The following GALNTL6 variants were observed in gnomAD, a reference collection of about 807,000 sequenced individuals.
GALNTL6 encodes polypeptide N-acetylgalactosaminyltransferase like 6.
Under a neutral mutation model 73.7 loss-of-function variants are expected in GALNTL6, and 46 were observed. That is an observed-to-expected ratio of 0.62 (90% CI 0.49 to 0.80). The LOEUF (loss-of-function observed/expected upper bound fraction) is 0.80, where lower values mean the gene tolerates loss of function less well. Among genes scored for constraint, GALNTL6 ranks in the 30% least tolerant of loss-of-function variants. The pLI is 0.00. For missense variants in GALNTL6, 604 were observed against 755.0 expected (o/e 0.80, Z 2.34); for synonymous variants, 259 against 263.7 (o/e 0.98, Z 0.17).
rs1488744754 is a variant in GALNTL6 at position 172,952,039 on chromosome 4, C to T, written c.1152C>T (p.Asn384=). ...KVPSGTSLAR[N]LKRVAETWMD... ...ATTTTTGTTTTCCTGCTGCACAGAA[C>T]CTGAAGCGGGTAGCTGAGACCTGGA... Residue 384 remains asparagine, a splice_region_variant and synonymous_variant, in exon 10 of 13, where the codon AAC becomes AAT. Transcript: ENST00000506823. The T allele has an allele frequency of 1.2e-6, 2 of 1,612,778 alleles. No homozygotes were observed. Among genetic ancestry groups the T allele is most frequent in the East Asian group, 2.2e-5 (1 of 44,876 alleles).
chr4:172,136,788 G>A (rs1457097702), intron 2 of GALNTL6, among the ~76,000 whole-genome samples: 1 of 151,902 alleles, frequency 6.6e-6, no homozygotes, highest in East Asian at 1.9e-4. Context: ...TCATTTTCAT[G>A]CTAGTTTTAG....
chr4:172,726,214 G>A (rs544001931), intron 5 of GALNTL6, among the ~76,000 whole-genome samples: 2 of 152,300 alleles, frequency 1.3e-5, no homozygotes, highest in South Asian at 4.1e-4. Flanking sequence ...TTTATTCAGT[G>A]ACTAATTAAC....
intron 7 of GALNTL6, among the ~76,000 whole-genome samples, chr4:172,853,694 A>G (rs753289640): frequency 1.1e-4 from 16 of 152,168 alleles, no homozygotes; most frequent in Non-Finnish European, 1.9e-4. Context: ...CTAATAGCTT[A>G]TTGCATTCTG....
intron 2 of GALNTL6, among the ~76,000 whole-genome samples, chr4:171,842,591 AAGAGAAT>A (rs2110845493): frequency 6.6e-6 from 1 of 152,186 alleles, no homozygotes; most frequent in Non-Finnish European, 1.5e-5. Flanking sequence ...GTCATGGTGG[AAGAGAAT>A]AGAGAATCGA....
At chr4:172,743,687 T>C (rs1736931891) in intron 5 of GALNTL6, among the ~76,000 whole-genome samples, 1 of 152,142 alleles carries the variant, frequency 6.6e-6, no homozygotes, top group Admixed American at 6.6e-5. Flanking sequence ...GATGAAGATC[T>C]GTCTAACAGA....
intron 5 of GALNTL6, among the ~76,000 whole-genome samples, chr4:172,786,253 T>A (rs1436959136): frequency 1.3e-5 from 2 of 152,236 alleles, no homozygotes; most frequent in Admixed American, 6.5e-5. Flanking sequence ...CTCAAAGTAT[T>A]GCTTAAAAGT....
At chr4:172,625,785 T>C (rs1267226496) in intron 5 of GALNTL6, among the ~76,000 whole-genome samples, 1 of 152,052 alleles carries the variant, frequency 6.6e-6, no homozygotes, top group Non-Finnish European at 1.5e-5. Flanking sequence ...TGATGTTGAG[T>C]GTTTTTTCAT....
At chr4:172,199,363 C>T (rs1379572623) in intron 2 of GALNTL6, among the ~76,000 whole-genome samples, 2 of 152,156 alleles carry the variant, frequency 1.3e-5, no homozygotes, top group Non-Finnish European at 1.5e-5. Context: ...TATTATTCCT[C>T]GTGCTTAGAT....
At chr4:172,887,845 T>A (rs1745813772) in intron 8 of GALNTL6, among the ~76,000 whole-genome samples, 1 of 152,184 alleles carries the variant, frequency 6.6e-6, no homozygotes. Flanking sequence ...ATTGTAGGCA[T>A]GAGCCACTGC....
chr4:172,192,068 C>T (rs944760338), intron 2 of GALNTL6, among the ~76,000 whole-genome samples: 1 of 151,774 alleles, frequency 6.6e-6, no homozygotes, highest in Non-Finnish European at 1.5e-5. Context: ...AATAAGAGTT[C>T]ATAAAATGCT....
At chr4:172,466,262 A>C (rs535638419) in intron 5 of GALNTL6, among the ~76,000 whole-genome samples, 1 of 152,276 alleles carries the variant, frequency 6.6e-6, no homozygotes, top group East Asian at 1.9e-4. Context: ...AATTAACTTA[A>C]AATTTATTTT....
At chr4:171,906,763 G>A (rs932939041) in intron 2 of GALNTL6, among the ~76,000 whole-genome samples, 223 of 152,178 alleles carry the variant, frequency 1.5e-3, no homozygotes, top group Non-Finnish European at 2.8e-3. Flanking sequence ...CTGGCAAACC[G>A]AATCCAGCAG....
At chr4:172,741,437 C>T (rs1299604223) in intron 5 of GALNTL6, among the ~76,000 whole-genome samples, 1 of 152,018 alleles carries the variant, frequency 6.6e-6, no homozygotes, top group African/African-American at 2.4e-5. Flanking sequence ...TTGGCAAAAC[C>T]TATCTCAAAG....
chr4:172,390,899 G>A (rs1743643877), intron 5 of GALNTL6, among the ~76,000 whole-genome samples: 1 of 151,992 alleles, frequency 6.6e-6, no homozygotes, highest in South Asian at 2.1e-4. Context: ...AGAAATCTTG[G>A]CATTCCTAAA....
intron 5 of GALNTL6, among the ~76,000 whole-genome samples, chr4:172,631,308 C>T (rs1042422915): frequency 6.6e-6 from 1 of 151,902 alleles, no homozygotes; most frequent in Non-Finnish European, 1.5e-5. Flanking sequence ...CCATGCCTGG[C>T]TGATTTTTTG....
At chr4:172,310,884 A>G (rs559387843) in intron 3 of GALNTL6, among the ~76,000 whole-genome samples, 1 of 152,174 alleles carries the variant, frequency 6.6e-6, no homozygotes, top group East Asian at 1.9e-4. Context: ...GTAATTAACA[A>G]AAATATAATA....
intron 5 of GALNTL6, among the ~76,000 whole-genome samples, chr4:172,540,038 GCTTT>G (rs1326521700): frequency 4.4e-4 from 65 of 147,698 alleles, no homozygotes; most frequent in African/African-American, 1.5e-3. Context: ...CAGTGACAGA[GCTTT>G]CTTTCTTTCT....
intron 5 of GALNTL6, among the ~76,000 whole-genome samples, chr4:172,442,182 A>G (rs1486491036): frequency 6.6e-6 from 1 of 152,192 alleles, no homozygotes; most frequent in Non-Finnish European, 1.5e-5. Flanking sequence ...TTGACTCAGT[A>G]TTCACTGATT....
intron 5 of GALNTL6, among the ~76,000 whole-genome samples, chr4:172,723,310 T>C (rs183786919): frequency 5.0e-4 from 76 of 152,074 alleles, no homozygotes; most frequent in Admixed American, 1.2e-3. Flanking sequence ...CACAGTATGA[T>C]ATAATGAAAA....
Sources: allele counts gnomAD v4.1 joint callset (sites outside exome capture counted in the v4.1 genomes callset), GRCh38; gene constraint gnomAD v4.1.1; transcripts MANE v1.5; gene names NCBI Gene and HGNC (gene_info 2026-07-23, HGNC 2026-07-21).